LGSN: variants seen among roughly 807,000 people sequenced by gnomAD.
LGSN encodes lengsin.
A neutral mutation model predicts 19.5 loss-of-function variants in LGSN; 21 were observed. The ratio of observed to expected loss-of-function variants is 1.07; its 90% CI spans 0.76 to 1.55. The LOEUF (loss-of-function observed/expected upper bound fraction) is 1.55. Among genes scored for constraint, LGSN ranks in the 40% most tolerant of loss-of-function variants. The pLI is 0.00. For missense variants in LGSN, 673 were observed against 608.5 expected (o/e 1.11, Z -1.12); for synonymous variants, 257 against 215.6 (o/e 1.19, Z -1.68).
the LGSN span, among the ~76,000 whole-genome samples, chr6:63,460,830 T>C: frequency 6.6e-6 from 1 of 152,214 alleles, no homozygotes; most frequent in Non-Finnish European, 1.5e-5. Flanking sequence ...TCTTCTGTTC[T>C]AGTTCACTAA....
At chr6:63,361,172 C>G in the LGSN span, among the ~76,000 whole-genome samples, 1 of 152,230 alleles carries the variant, frequency 6.6e-6, no homozygotes, top group Non-Finnish European at 1.5e-5. Context: ...AACCACTACT[C>G]TCTTCAAAGC....
At chr6:63,412,322 G>A in the LGSN span, among the ~76,000 whole-genome samples, 2 of 150,084 alleles carry the variant, frequency 1.3e-5, no homozygotes, top group South Asian at 2.1e-4. Flanking sequence ...AACTGAGATC[G>A]CCCCACTGCA....
At chr6:63,374,589 T>G in the LGSN span, among the ~76,000 whole-genome samples, 1 of 152,242 alleles carries the variant, frequency 6.6e-6, no homozygotes, top group Non-Finnish European at 1.5e-5. Context: ...TCCTCCCATT[T>G]AGTATCAACA....
At chr6:63,360,015 T>C in the LGSN span, among the ~76,000 whole-genome samples, 1 of 152,218 alleles carries the variant, frequency 6.6e-6, no homozygotes, top group Non-Finnish European at 1.5e-5. Context: ...GATTGTAGAG[T>C]TTCTGCCAAG....
the LGSN span, among the ~76,000 whole-genome samples, chr6:63,513,932 A>AAAAAAAC: frequency 8.7e-6 from 1 of 114,492 alleles, no homozygotes; most frequent in Non-Finnish European, 1.8e-5. Flanking sequence ...AAAAAAAAAA[A>AAAAAAAC]AAAACACTGG....
chr6:63,564,947 A>T, the LGSN span, among the ~76,000 whole-genome samples: 1 of 152,230 alleles, frequency 6.6e-6, no homozygotes, highest in Non-Finnish European at 1.5e-5. Flanking sequence ...GCCCCAAGGA[A>T]ATGGTGCCTT....
intron 1 of LGSN, among the ~76,000 whole-genome samples, chr6:63,304,143 C>G (rs924826098): frequency 4.6e-5 from 7 of 152,140 alleles, no homozygotes; most frequent in Non-Finnish European, 1.0e-4. Context: ...GATGAAGGGC[C>G]AGTGTAGGCT....
chr6:63,494,134 G>C, the LGSN span, among the ~76,000 whole-genome samples: 1 of 151,978 alleles, frequency 6.6e-6, no homozygotes, highest in Non-Finnish European at 1.5e-5. Context: ...ATTTTTAGTA[G>C]AGATGAGGTT....
At chr6:63,307,395 C>G (rs1175128383) in intron 1 of LGSN, among the ~76,000 whole-genome samples, 3 of 152,160 alleles carry the variant, frequency 2.0e-5, no homozygotes, top group Non-Finnish European at 2.9e-5. Context: ...ACCAGGATAT[C>G]CTCCCAACCA....
At chr6:63,331,376 T>C in the LGSN span, among the ~76,000 whole-genome samples, 447 of 152,248 alleles carry the variant, frequency 2.9e-3, 3 homozygotes, top group African/African-American at 0.01. Flanking sequence ...CATTTTTCCT[T>C]ATCAGAGAGA....
the LGSN span, among the ~76,000 whole-genome samples, chr6:63,410,829 T>A: frequency 1.3e-5 from 2 of 152,172 alleles, no homozygotes; most frequent in African/African-American, 4.8e-5. Context: ...AAAAAGCTCA[T>A]GAAATCTTAA....
the LGSN span, among the ~76,000 whole-genome samples, chr6:63,541,476 C>T: frequency 6.6e-6 from 1 of 152,036 alleles, no homozygotes; most frequent in Non-Finnish European, 1.5e-5. Context: ...TCGCCTGAAC[C>T]CCGGAGGCAG....
chr6:63,339,739 A>AT, the LGSN span, among the ~76,000 whole-genome samples: 2 of 151,894 alleles, frequency 1.3e-5, no homozygotes, highest in East Asian at 3.9e-4. Context: ...ATTATTTTGT[A>AT]TATCTTTTGT....
the LGSN span, among the ~76,000 whole-genome samples, chr6:63,461,562 T>C: frequency 7.9e-5 from 12 of 152,232 alleles, no homozygotes; most frequent in African/African-American, 2.9e-4. Flanking sequence ...GTTTCCAGAA[T>C]GTGTTCTACA....
At chr6:63,330,467 C>G in the LGSN span, among the ~76,000 whole-genome samples, 1 of 152,142 alleles carries the variant, frequency 6.6e-6, no homozygotes, top group Non-Finnish European at 1.5e-5. Context: ...CTGATATCTG[C>G]GGCTGATTAG....
At chr6:63,465,020 CTG>C in the LGSN span, among the ~76,000 whole-genome samples, 2 of 108,676 alleles carry the variant, frequency 1.8e-5, no homozygotes, top group Non-Finnish European at 3.8e-5. Flanking sequence ...GAGCGAGATT[CTG>C]TCTCAAAAAA....
At chr6:63,361,684 C>T in the LGSN span, among the ~76,000 whole-genome samples, 1 of 152,144 alleles carries the variant, frequency 6.6e-6, no homozygotes, top group South Asian at 2.1e-4. Flanking sequence ...TTCCGACAAT[C>T]CCCAGTGAGA....
the LGSN span, among the ~76,000 whole-genome samples, chr6:63,501,851 C>T: frequency 1.3e-5 from 2 of 152,262 alleles, no homozygotes; most frequent in Admixed American, 1.3e-4. Context: ...GGCTAGAGTG[C>T]AGTGGCACGA....
chr6:63,427,622 C>T, the LGSN span, among the ~76,000 whole-genome samples: 1 of 152,126 alleles, frequency 6.6e-6, no homozygotes, highest in Non-Finnish European at 1.5e-5. Context: ...CAAATCAGTT[C>T]TCTTCAGTTT....
Sources: gnomAD v4.1 joint callset for allele counts (sites outside exome capture counted in the v4.1 genomes callset) on GRCh38, gnomAD v4.1.1 for gene constraint, MANE v1.5 for transcripts, NCBI Gene and HGNC (gene_info 2026-07-23, HGNC 2026-07-21) for gene names.